Variants in PLEKHS1 observed in about 807,000 individuals in gnomAD.
PLEKHS1 encodes pleckstrin homology domain containing S1, also known as pleckstrin homology domain-containing family S member 1.
A neutral mutation model predicts 51.0 loss-of-function variants in PLEKHS1; 55 were observed. The observed-to-expected ratio is 1.08, with a 90% CI of 0.87 to 1.35. The LOEUF is 1.35. PLEKHS1 is among the 40% of genes most tolerant of loss of function. PLEKHS1 has a pLI of 0.00. For synonymous variants in PLEKHS1, 153 were observed against 144.8 expected (o/e 1.06, Z -0.41); for missense variants, 398 against 423.0 (o/e 0.94, Z 0.52).
At chr10:113,779,833 C>T (rs1208237736) in intron 11 of PLEKHS1, among the ~76,000 whole-genome samples, 2 of 152,198 alleles carry the variant, frequency 1.3e-5, no homozygotes, top group African/African-American at 2.4e-5. Context: ...TAATTGATAA[C>T]AGCCCCTACA....
At chr10:113,756,865 C>T (rs1854138592) in intron 2 of PLEKHS1, among the ~76,000 whole-genome samples, 1 of 150,734 alleles carries the variant, frequency 6.6e-6, no homozygotes, top group African/African-American at 2.4e-5. Context: ...ACTGTTGAAG[C>T]ATTTTGAGCA....
Position 113,777,008 on chromosome 10 carries a change from A to T in PLEKHS1, c.1091+1142A>T, listed in dbSNP as rs7083304. On this transcript the variant is annotated intron_variant, in intron 11 of 11. Transcript: ENST00000361048. ...AGGAAACAATATTCTAAACAGAAGG[A>T]GATAGTCTACTTCAGAGGTGGTGCC... 3.8e-3 allele frequency: 4,457 copies of T among 1,170,256 alleles called. 150 individuals are homozygous for T. The African/African-American group carries it at 0.062, about 16-fold the overall frequency. 72.5% of individuals were successfully genotyped at this position (1,170,256 alleles called of 1,614,324 possible). A position where few individuals can be genotyped will look rare whatever the true frequency, so the allele number is the denominator to read the frequency against.
chr10:113,779,730 T>C (rs1844812127), intron 11 of PLEKHS1, among the ~76,000 whole-genome samples: 1 of 152,346 alleles, frequency 6.6e-6, no homozygotes, highest in African/African-American at 2.4e-5. Flanking sequence ...CCAGGAACTG[T>C]ACCTGGGTGT....
At chr10:113,754,844 C>A (rs1270931413) in intron 1 of PLEKHS1, among the ~76,000 whole-genome samples, 6 of 152,212 alleles carry the variant, frequency 3.9e-5, no homozygotes, top group African/African-American at 1.4e-4. Context: ...AAAGGCTTAT[C>A]TTGGGCTTCC....
intron 8 of PLEKHS1, among the ~76,000 whole-genome samples, chr10:113,773,559 G>A (rs578009569): frequency 2.6e-5 from 4 of 152,186 alleles, no homozygotes; most frequent in Admixed American, 6.5e-5. Context: ...TCAGTAGGCC[G>A]AAAGGAAAGA....
At chr10:113,761,768 T>C (rs1271365949) in intron 2 of PLEKHS1, among the ~76,000 whole-genome samples, 1 of 152,114 alleles carries the variant, frequency 6.6e-6, no homozygotes, top group Non-Finnish European at 1.5e-5. Context: ...TTACTTATTT[T>C]GGATGCATTT....
intron 2 of PLEKHS1, among the ~76,000 whole-genome samples, chr10:113,757,308 T>C (rs1854167620): frequency 6.6e-6 from 1 of 152,322 alleles, no homozygotes. Context: ...GATAGAAGTT[T>C]TGATATGAAA....
intron 1 of PLEKHS1, among the ~76,000 whole-genome samples, chr10:113,753,572 G>A (rs1427178771): frequency 6.6e-6 from 1 of 152,104 alleles, no homozygotes; most frequent in African/African-American, 2.4e-5. Context: ...TATGCCTTCA[G>A]ATGCCCGAGA....
At chr10:113,757,069 C>T (rs1166968986) in intron 2 of PLEKHS1, among the ~76,000 whole-genome samples, 2 of 152,082 alleles carry the variant, frequency 1.3e-5, no homozygotes, top group Non-Finnish European at 2.9e-5. Flanking sequence ...TGCCACCATG[C>T]CTGGCTCATT....
chr10:113,758,319 T>C (rs1347137654), intron 2 of PLEKHS1, among the ~76,000 whole-genome samples: 2 of 152,234 alleles, frequency 1.3e-5, no homozygotes, highest in African/African-American at 4.8e-5. Context: ...GGCTACAGAA[T>C]AGATGTTGTG....
exon 9 of PLEKHS1, chr10:113,774,255 C>A: frequency 6.2e-7 from 1 of 1,600,836 alleles, no homozygotes; most frequent in Admixed American, 1.8e-5. Context: ...TCCAGTGATT[C>A]TGGTGAATCC....
chr10:113,755,191 GCGGTGGCTGGTCAATGAAACACA>G (rs1184894905), intron 1 of PLEKHS1, 45 bp from the exon 2 acceptor site: 28 of 1,520,646 alleles, frequency 1.8e-5, no homozygotes, highest in Admixed American at 4.2e-5. Flanking sequence ...TCACTGACCA[GCGGTGGCTGGTCAATGAAACACA>G]CGTAGTGTTG....
chr10:113,765,350 C>T, intron 2 of PLEKHS1: 1 of 779,434 alleles, frequency 1.3e-6, no homozygotes, highest in Non-Finnish European at 2.4e-6. Context: ...GTACTCTACC[C>T]AATGCCCTGT....
At chr10:113,774,830 T>C (rs1339485110) in exon 10 of PLEKHS1, 42 of 1,613,516 alleles carry the variant, frequency 2.6e-5, no homozygotes, top group Non-Finnish European at 3.4e-5. Context: ...CTCTAGTTTT[T>C]TCAAAGAGAC....
Position 113,773,033 on chromosome 10 carries a change from C to T in PLEKHS1, c.672+944C>T, listed in dbSNP as rs1844482743. ...GAAGACAGAATGGAGGGTGGGAATG[C>T]TGCGTCATTTCCCAAACTGGGGGTT... is the stretch of plus-strand genomic sequence containing the variant. On this transcript the variant is annotated intron_variant, in intron 8 of 11. Transcript: ENST00000361048. 2.6e-5 allele frequency among the ~76,000 whole-genome samples: 4 copies of T among 152,178 alleles called. No homozygotes were observed. In the South Asian group the frequency reaches 8.3e-4, roughly 31 times the overall value.
chr10:113,757,048 T>C (rs1295015420), intron 2 of PLEKHS1, among the ~76,000 whole-genome samples: 2 of 151,180 alleles, frequency 1.3e-5, no homozygotes, highest in Admixed American at 6.6e-5. Context: ...CCCGAGTAGC[T>C]AGGAGGCGCC....
chr10:113,757,260 C>T (rs571633091), intron 2 of PLEKHS1, among the ~76,000 whole-genome samples: 16 of 152,234 alleles, frequency 1.1e-4, no homozygotes, highest in Non-Finnish European at 2.1e-4. Flanking sequence ...TTGTAATTGG[C>T]ATACAATAAG....
At chr10:113,768,708 T>C in intron 5 of PLEKHS1, 107 bp from the exon 6 acceptor site, 2 of 822,188 alleles carry the variant, frequency 2.4e-6, no homozygotes, top group Non-Finnish European at 1.9e-6. Flanking sequence ...CTTATTTCGC[T>C]GGTACCTGCT....
chr10:113,777,341 G>C (rs1844719154), intron 11 of PLEKHS1, 82 bp downstream of exon 12: 1 of 1,607,278 alleles, frequency 6.2e-7, no homozygotes, highest in Non-Finnish European at 8.5e-7. Flanking sequence ...AGTCTGAGAA[G>C]TACCCTGAAT....
Sources: allele counts gnomAD v4.1 joint callset (sites outside exome capture counted in the v4.1 genomes callset), GRCh38; gene constraint gnomAD v4.1.1; transcripts MANE v1.5; gene names NCBI Gene and HGNC (gene_info 2026-07-23, HGNC 2026-07-21).